Variants in RPS6KA2 observed in about 807,000 individuals in gnomAD.
RPS6KA2 encodes ribosomal protein S6 kinase A2, also known as ribosomal protein S6 kinase alpha-2.
RPS6KA2 carries 42 observed loss-of-function variants against 91.8 expected under a neutral mutation model. The ratio of observed to expected loss-of-function variants is 0.46; its 90% CI spans 0.36 to 0.59. The LOEUF (loss-of-function observed/expected upper bound fraction) is 0.59. RPS6KA2 is among the 20% of genes least tolerant of loss of function. The pLI, the probability that RPS6KA2 is intolerant of heterozygous loss-of-function variation, is 0.00. For missense variants in RPS6KA2, 798 were observed against 978.5 expected, an observed-to-expected ratio of 0.82 and a Z score of 2.46; for synonymous variants, 414 against 393.6, an observed-to-expected ratio of 1.05 and a Z score of -0.61.
chr6:166,646,420 CA>C (rs1157018652), intron 2 of RPS6KA2, among the ~76,000 whole-genome samples: 1 of 152,038 alleles, frequency 6.6e-6, no homozygotes, highest in African/African-American at 2.4e-5. Flanking sequence ...TGGGACTGGA[CA>C]AGCCAGTCAG....
chr6:166,805,017 T>C (rs1489011350), intron 2 of RPS6KA2, among the ~76,000 whole-genome samples: 1 of 152,164 alleles, frequency 6.6e-6, no homozygotes, highest in Non-Finnish European at 1.5e-5. Flanking sequence ...CTTCTGGAAA[T>C]GAAAGAGCAA....
At chr6:166,454,318 TGAAGCCCTGTCTCTATTAAA>T (rs765136079) in intron 12 of RPS6KA2, among the ~76,000 whole-genome samples, 1 of 152,140 alleles carries the variant, frequency 6.6e-6, no homozygotes, top group Non-Finnish European at 1.5e-5. Context: ...ACCAACATGG[TGAAGCCCTGTCTCTATTAAA>T]AATACAAAAA....
chr6:166,437,856 C>T lies in RPS6KA2; in HGVS notation c.1333-5366G>A, dbSNP rs9457168. Reference sequence around the variant, plus strand: ...CGAAGGCGGCAACAGGAGACTTCACCGCTCTCGATACACCTTTCTGGTCTT... The same window carrying T: ...CGAAGGCGGCAACAGGAGACTTCACTGCTCTCGATACACCTTTCTGGTCTT... On this transcript the variant is annotated intron_variant, in intron 14 of 20. Coordinates refer to ENST00000265678, the MANE Select transcript of RPS6KA2 (RefSeq NM_021135.6). The surrounding 1 kb of genome is among the most constrained non-coding windows in gnomAD (Gnocchi z 4.3). 0.056 allele frequency among the ~76,000 whole-genome samples: 8,535 copies of T among 152,284 alleles called. 764 individuals are homozygous for T. The highest frequency in any genetic ancestry group is 0.19 in the African/African-American group (7,972 of 41,516).
intron 6 of RPS6KA2, 131 bp from the exon 7 acceptor site, chr6:166,501,055 C>G (rs568954188): frequency 1.4e-6 from 1 of 737,652 alleles, no homozygotes; most frequent in Admixed American, 2.3e-5. Context: ...GGAGCTGGCC[C>G]AGGAGATCCC....
At chr6:166,460,157 C>T (rs1341502459) in intron 11 of RPS6KA2, among the ~76,000 whole-genome samples, 1 of 152,244 alleles carries the variant, frequency 6.6e-6, no homozygotes, top group Non-Finnish European at 1.5e-5. Flanking sequence ...GGCTCCTCGA[C>T]AGGAGGACGC....
intron 2 of RPS6KA2, among the ~76,000 whole-genome samples, chr6:166,661,847 C>T (rs544955031): frequency 1.6e-4 from 24 of 152,064 alleles, no homozygotes; most frequent in Non-Finnish European, 3.1e-4. Context: ...GACTGTGGCC[C>T]ATCTGGAAGT....
rs535228104 is a variant in RPS6KA2, at chr6:166,666,664, G to A, written c.124-127880C>T. Among the ~76,000 whole-genome samples, 28 of 152,318 alleles carry A rather than the reference G, an allele frequency of 1.8e-4. No individual in the cohort carries two copies. Among genetic ancestry groups the A allele is most frequent in the Non-Finnish European group, 3.7e-4 (25 of 68,026 alleles). Reference sequence around the variant, plus strand: ...AAAATTAGAATTGTTGTTTACTGTTGGTGGAAATGTAAAACGGTGCAGGAG... The same window carrying A: ...AAAATTAGAATTGTTGTTTACTGTTAGTGGAAATGTAAAACGGTGCAGGAG... On this transcript the variant is annotated intron_variant, in intron 2 of 21. Coordinates refer to the RPS6KA2 transcript ENST00000503859. The surrounding 1 kb of genome is among the most constrained non-coding windows in gnomAD (Gnocchi z 4.0).
intron 2 of RPS6KA2, among the ~76,000 whole-genome samples, chr6:166,762,456 T>C (rs1778202966): frequency 6.6e-6 from 1 of 152,198 alleles, no homozygotes; most frequent in Non-Finnish European, 1.5e-5. Context: ...CCACGGCACC[T>C]GGCGTAGTCC....
chr6:166,669,803 C>T (rs1198781376), intron 2 of RPS6KA2, among the ~76,000 whole-genome samples: 1 of 152,232 alleles, frequency 6.6e-6, no homozygotes, highest in Non-Finnish European at 1.5e-5. Context: ...ACCCCCTCCT[C>T]ATTCCTCACT....
intron 2 of RPS6KA2, among the ~76,000 whole-genome samples, chr6:166,772,180 C>A (rs2128607150): frequency 6.7e-6 from 1 of 150,062 alleles, no homozygotes; most frequent in Admixed American, 6.6e-5. Flanking sequence ...CTTCTCCCCT[C>A]CTGGCAAGCA....
chr6:166,805,017 T>A (rs1489011350), intron 2 of RPS6KA2, among the ~76,000 whole-genome samples: 1 of 152,164 alleles, frequency 6.6e-6, no homozygotes, highest in Non-Finnish European at 1.5e-5. Context: ...CTTCTGGAAA[T>A]GAAAGAGCAA....
intron 2 of RPS6KA2, among the ~76,000 whole-genome samples, chr6:166,738,223 A>G (rs1313816931): frequency 6.6e-6 from 1 of 152,236 alleles, no homozygotes; most frequent in African/African-American, 2.4e-5. Context: ...AATGACAGAA[A>G]GAGTAATTAT....
In RPS6KA2 at chr6:166,451,235, T is replaced by C; in HGVS notation, c.1076-2A>G. 1 of 1,613,682 alleles carries C rather than the reference T, an allele frequency of 6.2e-7. No homozygotes were observed. Among genetic ancestry groups the C allele is most frequent in the Non-Finnish European group, 8.5e-7 (1 of 1,179,870 alleles). On this transcript the variant is annotated splice_acceptor_variant, in intron 12 of 20. Coordinates refer to ENST00000265678, the MANE Select transcript of RPS6KA2 (RefSeq NM_021135.6). LOFTEE classifies it high-confidence loss of function. ...CACTCGGGGGGACGCCAGGAGAGTC[T>C]GTAGGTGACAGGGGCAGAGTTCAGA...
rs1010133517 is a variant in RPS6KA2 at position 166,633,783 on chromosome 6, C to A, written c.124-94999G>T. Among the ~76,000 whole-genome samples the A allele has an allele frequency of 3.3e-5, 5 of 152,154 alleles. No individual in the cohort carries two copies. The East Asian group carries it at 9.6e-4, about 29-fold the overall frequency. On this transcript the variant is annotated intron_variant, in intron 2 of 21. Coordinates refer to the RPS6KA2 transcript ENST00000503859. ...CGTATCATGCATTTCATGATCTCTT[C>A]CTCTGTACTCAGCACTGTGCCCTCT... is the stretch of plus-strand genomic sequence containing the variant.
At chr6:166,623,282 T>C (rs1192933825) in intron 1 of RPS6KA2, among the ~76,000 whole-genome samples, 1 of 150,760 alleles carries the variant, frequency 6.6e-6, no homozygotes, top group Non-Finnish European at 1.5e-5. Context: ...TTAGTTTAAA[T>C]GTACATTCCC....
intron 2 of RPS6KA2, among the ~76,000 whole-genome samples, chr6:166,632,883 G>C (rs745851034): frequency 6.6e-6 from 1 of 152,112 alleles, no homozygotes; most frequent in South Asian, 2.1e-4. Context: ...TGAGCGGTGT[G>C]GGGAGGCCAG....
rs1788282437 is a variant in RPS6KA2, at chr6:166,665,262, G to T, written c.124-126478C>A. Among the ~76,000 whole-genome samples the T allele has an allele frequency of 6.6e-6, 1 of 152,122 alleles. No homozygotes were observed. The highest frequency in any genetic ancestry group is 2.4e-5 in the African/African-American group (1 of 41,412). On this transcript the variant is annotated intron_variant, in intron 2 of 21. Transcript: ENST00000503859. This position sits in a 1 kb window ranked among gnomAD's most constrained non-coding sequence, Gnocchi z 4.5. ...TTTCATCCTCAGGTACACACACCATGGTGTGACTTACAGGAGCACCCCGAG... is the reference window on the plus strand; with the variant it reads ...TTTCATCCTCAGGTACACACACCATTGTGTGACTTACAGGAGCACCCCGAG...
intron 12 of RPS6KA2, among the ~76,000 whole-genome samples, chr6:166,458,153 T>G (rs963043240): frequency 6.6e-6 from 1 of 152,178 alleles, no homozygotes; most frequent in African/African-American, 2.4e-5. Context: ...TGGTTCAGCT[T>G]TGTGTCCCCA....
At chr6:166,774,137 T>A (rs1178249265) in intron 2 of RPS6KA2, among the ~76,000 whole-genome samples, 2 of 152,212 alleles carry the variant, frequency 1.3e-5, no homozygotes, top group African/African-American at 4.8e-5. Flanking sequence ...ATAGTCTGGA[T>A]GACCAAGATT....
Sources: allele counts gnomAD v4.1 joint callset (sites outside exome capture counted in the v4.1 genomes callset), GRCh38; gene constraint gnomAD v4.1.1; non-coding constraint Gnocchi (gnomAD v3.1); transcripts MANE v1.5; gene names NCBI Gene and HGNC (gene_info 2026-07-23, HGNC 2026-07-21).